Variants in MED27 observed in about 807,000 individuals in gnomAD.
The protein encoded by MED27 is mediator complex subunit 27.
MED27 carries 30 observed loss-of-function variants against 38.2 expected under a neutral mutation model. The observed-to-expected ratio is 0.79, with a 90% CI of 0.59 to 1.07. The LOEUF (loss-of-function observed/expected upper bound fraction) is 1.07, where lower values mean the gene tolerates loss of function less well. MED27 is among the 50% of genes least tolerant of loss of function. The pLI is 0.00. For synonymous variants in MED27, 122 were observed against 153.5 expected (o/e 0.79, Z 1.52); for missense variants, 289 against 397.5 (o/e 0.73, Z 2.32).
At chr9:131,952,918 C>T (rs902315495) in intron 3 of MED27, among the ~76,000 whole-genome samples, 1 of 152,212 alleles carries the variant, frequency 6.6e-6, no homozygotes, top group South Asian at 2.1e-4. Flanking sequence ...ATCTGGAAAT[C>T]GTTCCCTTAG....
chr9:132,031,671 T>C (rs901171409), intron 2 of MED27, among the ~76,000 whole-genome samples: 2 of 152,150 alleles, frequency 1.3e-5, no homozygotes, highest in Non-Finnish European at 2.9e-5. Context: ...GAGTTGCCTC[T>C]GAGGAGTGGC....
At chr9:132,014,650 G>A (rs1832563574) in intron 2 of MED27, among the ~76,000 whole-genome samples, 183 bp from the exon 3 acceptor site, 1 of 152,138 alleles carries the variant, frequency 6.6e-6, no homozygotes, top group South Asian at 2.1e-4. Context: ...AGACAAACAG[G>A]AAACAAAACA....
intron 4 of MED27, among the ~76,000 whole-genome samples, chr9:131,910,076 G>A (rs923592257): frequency 6.6e-6 from 1 of 152,160 alleles, no homozygotes. Context: ...TGTTTGCAAT[G>A]ATCACCACGA....
chr9:131,994,899 T>C (rs568123063), intron 3 of MED27, among the ~76,000 whole-genome samples: 3 of 152,122 alleles, frequency 2.0e-5, no homozygotes, highest in Non-Finnish European at 4.4e-5. Context: ...AAGCTTGGTT[T>C]ACAGACAGGT....
chr9:132,053,659 C>A (rs775050831), intron 2 of MED27, among the ~76,000 whole-genome samples: 14 of 152,138 alleles, frequency 9.2e-5, no homozygotes, highest in Non-Finnish European at 1.5e-4. Flanking sequence ...GCTGTGGAAC[C>A]AGGCTGCCTG....
chr9:132,044,721 A>G (rs1253880540), intron 2 of MED27, among the ~76,000 whole-genome samples: 3 of 152,236 alleles, frequency 2.0e-5, no homozygotes, highest in Non-Finnish European at 4.4e-5. Flanking sequence ...CCTCAATGCC[A>G]TGGCTGGAAA....
intron 2 of MED27, among the ~76,000 whole-genome samples, chr9:132,048,668 G>C (rs1410581904): frequency 3.9e-5 from 6 of 152,118 alleles, no homozygotes; most frequent in Admixed American, 2.6e-4. Flanking sequence ...AACCCCTCTG[G>C]ACCTGTCAGC....
intron 2 of MED27, among the ~76,000 whole-genome samples, chr9:132,050,902 A>AT (rs1833450911): frequency 6.6e-6 from 1 of 152,192 alleles, no homozygotes; most frequent in Non-Finnish European, 1.5e-5. Flanking sequence ...TCATTACTAC[A>AT]TTGTCAACAT....
At chr9:131,902,074 ATCC>A (rs1357805950) in intron 4 of MED27, among the ~76,000 whole-genome samples, 1 of 152,122 alleles carries the variant, frequency 6.6e-6, no homozygotes, top group Non-Finnish European at 1.5e-5. Flanking sequence ...CCACCCAGCA[ATCC>A]TCCTCCAGGG....
At chr9:132,000,865 C>T (rs1306082871) in intron 3 of MED27, among the ~76,000 whole-genome samples, 2 of 151,664 alleles carry the variant, frequency 1.3e-5, no homozygotes, top group South Asian at 2.1e-4. Context: ...AGCTTACAGG[C>T]GTGAGCTACC....
intron 6 of MED27, among the ~76,000 whole-genome samples, chr9:131,870,253 C>T (rs970276219): frequency 3.3e-5 from 5 of 152,234 alleles, no homozygotes; most frequent in Non-Finnish European, 7.3e-5. Context: ...CGCTGCACAG[C>T]TCAGGGTGTG....
intron 3 of MED27, among the ~76,000 whole-genome samples, chr9:131,973,874 A>AT (rs1831543548): frequency 6.9e-6 from 1 of 144,228 alleles, no homozygotes; most frequent in South Asian, 2.3e-4. Context: ...CGCGCGGCTG[A>AT]TTTTTTCTAT....
chr9:131,970,728 G>C (rs535672831), intron 3 of MED27, among the ~76,000 whole-genome samples: 4 of 152,292 alleles, frequency 2.6e-5, no homozygotes, highest in Admixed American at 1.3e-4. Context: ...AACAATGTTA[G>C]AAATAAAGAC....
At chr9:131,980,975 T>G (rs1442395378) in intron 3 of MED27, among the ~76,000 whole-genome samples, 1 of 152,204 alleles carries the variant, frequency 6.6e-6, no homozygotes, top group Non-Finnish European at 1.5e-5. Context: ...TTGCACATCT[T>G]TAAAGCAAGG....
chr9:132,038,089 A>C (rs1260898327), intron 2 of MED27, among the ~76,000 whole-genome samples: 1 of 152,056 alleles, frequency 6.6e-6, no homozygotes, highest in Non-Finnish European at 1.5e-5. Context: ...TTAAGGCCCC[A>C]AAGAGAAAGC....
Position 131,917,755 on chromosome 9 carries a change from T to C in MED27, c.573+21626A>G, listed in dbSNP as rs574561755. Among the ~76,000 whole-genome samples the C allele has an allele frequency of 1.1e-4, 17 of 152,130 alleles. No individual in the cohort carries two copies. The highest frequency in any genetic ancestry group is 3.6e-4 in the African/African-American group (15 of 41,482). ...GGAGATAAGTATTGGAACAGAAAAA[T>C]GTTAAATTGGAGACAAGTTGCAAGG... On this transcript the variant is annotated intron_variant, in intron 4 of 7. Coordinates refer to ENST00000292035, the MANE Select transcript of MED27 (RefSeq NM_004269.4). The surrounding 1 kb of genome is among the most constrained non-coding windows in gnomAD (Gnocchi z 4.6).
chr9:131,997,685 T>A lies in MED27; in HGVS notation c.479+16652A>T, dbSNP rs78803821. 5.2e-3 allele frequency among the ~76,000 whole-genome samples: 794 copies of A among 152,308 alleles called. 3 individuals carry two copies. The highest frequency in any genetic ancestry group is 0.017 in the African/African-American group (712 of 41,564). On this transcript the variant is annotated intron_variant, in intron 3 of 7. Transcript: ENST00000292035. This position sits in a 1 kb window ranked among gnomAD's most constrained non-coding sequence, Gnocchi z 4.0. ...TCTGCCTTGTACTACAGCTGAGACA[T>A]ACAGATTCCGGGTTCTCTGTGCCCA...
intron 2 of MED27, among the ~76,000 whole-genome samples, chr9:132,020,181 G>T (rs1832688125): frequency 6.6e-6 from 1 of 152,126 alleles, no homozygotes; most frequent in Non-Finnish European, 1.5e-5. Context: ...GTTTCTAGGA[G>T]ATTCCACATG....
intron 3 of MED27, among the ~76,000 whole-genome samples, chr9:131,993,852 C>T (rs1832032340): frequency 6.6e-6 from 1 of 152,134 alleles, no homozygotes; most frequent in South Asian, 2.1e-4. Context: ...TCCTACATCC[C>T]AAAGACATGC....
Sources: allele counts gnomAD v4.1 joint callset (sites outside exome capture counted in the v4.1 genomes callset), GRCh38; gene constraint gnomAD v4.1.1; non-coding constraint Gnocchi (gnomAD v3.1); transcripts MANE v1.5; gene names NCBI Gene and HGNC (gene_info 2026-07-23, HGNC 2026-07-21).